Variants in NAV3 observed in about 807,000 individuals in gnomAD.
NAV3 encodes the protein pore membrane and/or filament interacting like protein 1.
NAV3 carries 87 observed loss-of-function variants against 244.7 expected under a neutral mutation model. That is an observed-to-expected ratio of 0.36 (90% confidence interval 0.30 to 0.42). The LOEUF is 0.42. Among genes scored for constraint, NAV3 ranks in the 20% least tolerant of loss-of-function variants. The pLI is 1.00. For synonymous variants in NAV3, 1,126 were observed against 1,042.2 expected, an observed-to-expected ratio of 1.08 and a Z score of -1.55; for missense variants, 2,663 against 2,893.3, an observed-to-expected ratio of 0.92 and a Z score of 1.83.
chr12:77,657,194 A>C (rs1039168040), intron 2 of NAV3, among the ~76,000 whole-genome samples: 1 of 110,334 alleles, frequency 9.1e-6, no homozygotes, highest in East Asian at 2.2e-4. Context: ...GATCAACAAA[A>C]TAGATAGACC....
intron 9 of NAV3, among the ~76,000 whole-genome samples, chr12:78,029,410 A>G (rs1257578382): frequency 6.6e-6 from 1 of 152,204 alleles, no homozygotes; most frequent in Non-Finnish European, 1.5e-5. Flanking sequence ...ATGCATGATG[A>G]TCTTAGTGAA....
At chr12:77,904,172 C>G (rs373306348) in intron 1 of NAV3, among the ~76,000 whole-genome samples, 2 of 152,190 alleles carry the variant, frequency 1.3e-5, no homozygotes, top group South Asian at 2.1e-4. Flanking sequence ...ATAAATCATG[C>G]TGCTATAAAG....
At chr12:77,834,184 A>T (rs1874218861) in intron 1 of NAV3, among the ~76,000 whole-genome samples, 1 of 152,152 alleles carries the variant, frequency 6.6e-6, no homozygotes, top group South Asian at 2.1e-4. Flanking sequence ...GTCCATGGGC[A>T]CAGGCCCAGG....
At chr12:77,586,045 C>G (rs1044670245) in intron 2 of NAV3, among the ~76,000 whole-genome samples, 2 of 151,958 alleles carry the variant, frequency 1.3e-5, no homozygotes, top group Admixed American at 6.6e-5. Context: ...GCCTGTAGTC[C>G]CAGGTACTCG....
At chr12:77,702,118 T>C (rs1291267280) in intron 2 of NAV3, among the ~76,000 whole-genome samples, 1 of 152,058 alleles carries the variant, frequency 6.6e-6, no homozygotes, top group African/African-American at 2.4e-5. Flanking sequence ...CAGATTTTGC[T>C]TTGTGTATTT....
chr12:78,140,435 G>A, intron 20 of NAV3, 101 bp downstream of exon 20: 9 of 1,065,000 alleles, frequency 8.5e-6, no homozygotes, highest in East Asian at 2.4e-5. Context: ...TCTATGACTT[G>A]CACAGGAGTT....
chr12:77,717,980 T>C (rs912638940), intron 2 of NAV3, among the ~76,000 whole-genome samples: 1 of 152,198 alleles, frequency 6.6e-6, no homozygotes, highest in African/African-American at 2.4e-5. Context: ...ATATTAACCC[T>C]GTATCAGATA....
At chr12:77,829,394 T>A (rs938440711), upstream of NAV3, among the ~76,000 whole-genome samples, 5 of 152,228 alleles carry the variant, frequency 3.3e-5, no homozygotes, top group African/African-American at 1.2e-4. Context: ...AAGTTGCATA[T>A]GTTTTGAGTG....
Position 77,778,139 on chromosome 12 carries a change from CCCCCTCCCCT to C in NAV3, c.73-162157_73-162148del, listed in dbSNP as rs774393425. On this transcript the variant is annotated intron_variant, in intron 2 of 8. Transcript: ENST00000550042. The stretch of plus-strand genomic sequence containing the variant: ...CCTTTCCTTCTTTCCTCCCTTCCTT[CCCCCTCCCCT>C]CCCCTCCCCTCCCCTCCCCTCCTCT... Among the ~76,000 whole-genome samples, 23 of 97,728 alleles carry C rather than the reference CCCCCTCCCCT, an allele frequency of 2.4e-4. 1 individual carries two copies. The highest frequency in any genetic ancestry group is 4.7e-3 in the Middle Eastern group (1 of 214). 64.1% of individuals were successfully genotyped at this position (97,728 alleles called of 152,430 possible).
rs1231235423 is a variant in NAV3, at chr12:78,119,291, C to T, written c.3095C>T (p.Ser1032Leu). The change falls in exon 15 of 40, where the codon TCA becomes TTA. Residue 1032 changes from serine (S) to leucine (L), a missense_variant. Coordinates refer to ENST00000397909, the MANE Select transcript of NAV3 (RefSeq NM_001024383.2). ...AAAGGAAAAGCTCCCCTAAAAGGATCATCTCTACAAAGATCTCCTTCAGAT... is the reference window on the plus strand; with the variant it reads ...AAAGGAAAAGCTCCCCTAAAAGGATTATCTCTACAAAGATCTCCTTCAGAT... ...SEKGKAPLKGSSLQRSPSDAG... is the reference protein window; with the variant it reads ...SEKGKAPLKGLSLQRSPSDAG... 1.9e-6 allele frequency: 3 copies of T among 1,614,022 alleles called. No homozygotes were observed. Among genetic ancestry groups the T allele is most frequent in the African/African-American group, 2.7e-5 (2 of 74,908 alleles).
At chr12:77,872,733 T>C (rs1881159401) in intron 1 of NAV3, among the ~76,000 whole-genome samples, 1 of 152,206 alleles carries the variant, frequency 6.6e-6, no homozygotes. Flanking sequence ...TTGTGAACTT[T>C]TACATTTCGG....
intron 2 of NAV3, among the ~76,000 whole-genome samples, chr12:77,808,200 T>C (rs1872085348): frequency 6.6e-6 from 1 of 152,156 alleles, no homozygotes; most frequent in Non-Finnish European, 1.5e-5. Flanking sequence ...TCATTCTCTG[T>C]CCAGTTTTGT....
chr12:78,033,475 T>C (rs1879326585), intron 9 of NAV3, among the ~76,000 whole-genome samples: 1 of 152,094 alleles, frequency 6.6e-6, no homozygotes, highest in South Asian at 2.1e-4. Context: ...ACCTTCCTCC[T>C]CTTCCTTGTA....
At chr12:77,882,945 G>C (rs988603199) in intron 1 of NAV3, among the ~76,000 whole-genome samples, 2 of 152,284 alleles carry the variant, frequency 1.3e-5, no homozygotes, top group South Asian at 2.1e-4. Context: ...TGCTAGGCTA[G>C]TGAGGCAGCA....
intron 12 of NAV3, among the ~76,000 whole-genome samples, chr12:78,067,996 G>A: frequency 6.6e-6 from 1 of 152,036 alleles, no homozygotes; most frequent in Admixed American, 6.6e-5. Flanking sequence ...AAGAGGAGGA[G>A]GAAGAGGAGG....
At chr12:77,921,187 A>T (rs1001200503) in intron 1 of NAV3, among the ~76,000 whole-genome samples, 1 of 152,084 alleles carries the variant, frequency 6.6e-6, no homozygotes, top group Non-Finnish European at 1.5e-5. Context: ...TTTGGTCATC[A>T]TAAATCTAGT....
chr12:77,858,929 G>A (rs1526905), intron 1 of NAV3, among the ~76,000 whole-genome samples: 69,215 of 151,878 alleles, frequency 0.46, 16,289 homozygotes, highest in East Asian at 0.57. Flanking sequence ...TTCCTACTGA[G>A]GGAGATGCAA....
intron 2 of NAV3, among the ~76,000 whole-genome samples, chr12:77,646,697 A>T (rs1872619271): frequency 6.6e-6 from 1 of 152,034 alleles, no homozygotes; most frequent in Non-Finnish European, 1.5e-5. Flanking sequence ...GGAGTGCAAG[A>T]TGTTGGGGTT....
intron 34 of NAV3, among the ~76,000 whole-genome samples, chr12:78,193,169 C>G (rs1959057639): frequency 6.6e-6 from 1 of 152,180 alleles, no homozygotes; most frequent in East Asian, 1.9e-4. Flanking sequence ...AACCACAAAT[C>G]ATCAAATGAA....
Sources: gnomAD v4.1 joint callset for allele counts (sites outside exome capture counted in the v4.1 genomes callset) on GRCh38, gnomAD v4.1.1 for gene constraint, MANE v1.5 for transcripts, NCBI Gene and HGNC (gene_info 2026-07-23, HGNC 2026-07-21) for gene names.